The following NXPE2 variants were observed in gnomAD, a reference collection of about 807,000 sequenced individuals.
NXPE2 encodes neurexophilin and PC-esterase domain family member 2, also known as NXPE family member 2.
NXPE2 carries 34 observed loss-of-function variants against 34.4 expected under a neutral mutation model. The ratio of observed to expected loss-of-function variants is 0.99; its 90% CI spans 0.75 to 1.31. The LOEUF (loss-of-function observed/expected upper bound fraction) is 1.31. Ranked by LOEUF, NXPE2 falls within the 40% of genes most tolerant of loss-of-function variation. The pLI is 0.00. For synonymous variants in NXPE2, 235 were observed against 231.3 expected (o/e 1.02, Z -0.15); for missense variants, 649 against 672.5 (o/e 0.97, Z 0.39).
the NXPE2 span, among the ~76,000 whole-genome samples, chr11:114,593,106 A>T: frequency 6.6e-6 from 1 of 152,158 alleles, no homozygotes; most frequent in East Asian, 1.9e-4. Flanking sequence ...TGTTCAGGAC[A>T]CTGATGTAGC....
chr11:114,767,628 T>C, the NXPE2 span, among the ~76,000 whole-genome samples: 2 of 152,196 alleles, frequency 1.3e-5, no homozygotes, highest in Admixed American at 1.3e-4. Context: ...GTTTAGTGAA[T>C]GCCTGAATTA....
chr11:114,786,191 T>C, the NXPE2 span, among the ~76,000 whole-genome samples: 3 of 152,202 alleles, frequency 2.0e-5, no homozygotes, highest in Non-Finnish European at 4.4e-5. Flanking sequence ...GCGGTGCTGA[T>C]CCCCGCAGCA....
the NXPE2 span, among the ~76,000 whole-genome samples, chr11:114,734,698 G>C: frequency 1.3e-5 from 2 of 152,140 alleles, no homozygotes; most frequent in Non-Finnish European, 2.9e-5. Context: ...GAATTAGCAG[G>C]TTTGGTAATC....
intron 2 of NXPE2, among the ~76,000 whole-genome samples, chr11:114,687,578 G>T (rs1951071867): frequency 6.6e-6 from 1 of 151,948 alleles, no homozygotes; most frequent in African/African-American, 2.4e-5. Flanking sequence ...TTTTGCTTAG[G>T]ATTGCCTTGA....
At chr11:114,720,887 G>A in the NXPE2 span, among the ~76,000 whole-genome samples, 7 of 152,260 alleles carry the variant, frequency 4.6e-5, no homozygotes, top group Non-Finnish European at 8.8e-5. Context: ...AGGAGGATCT[G>A]ATAAAGAGCT....
At chr11:114,484,555 C>G in the NXPE2 span, among the ~76,000 whole-genome samples, 1 of 152,168 alleles carries the variant, frequency 6.6e-6, no homozygotes, top group South Asian at 2.1e-4. Flanking sequence ...CCAGACTTGA[C>G]TCTCTTGATT....
At chr11:114,787,520 C>T in the NXPE2 span, among the ~76,000 whole-genome samples, 1,473 of 152,220 alleles carry the variant, frequency 9.7e-3, 29 homozygotes, top group African/African-American at 0.033. Context: ...CCGTCTAAGA[C>T]GGATTTGAGC....
chr11:114,636,732 T>C, the NXPE2 span, among the ~76,000 whole-genome samples: 1 of 152,164 alleles, frequency 6.6e-6, no homozygotes, highest in African/African-American at 2.4e-5. Flanking sequence ...CCAGCAGTCA[T>C]TCAGGAGCAG....
At chr11:114,601,898 T>TATATATATTATATAATATATATTATATA in the NXPE2 span, among the ~76,000 whole-genome samples, 7 of 45,558 alleles carry the variant, frequency 1.5e-4, no homozygotes, top group Non-Finnish European at 2.6e-4. Flanking sequence ...ATATTATATT[T>TATATATATTATATAATATATATTATATA]ATATATATTA....
chr11:114,477,711 T>C, the NXPE2 span, among the ~76,000 whole-genome samples: 1 of 151,590 alleles, frequency 6.6e-6, no homozygotes, highest in East Asian at 1.9e-4. Context: ...AGACCAGGAG[T>C]AAATACTCTA....
intron 2 of NXPE2, among the ~76,000 whole-genome samples, chr11:114,685,729 C>T (rs1374397293): frequency 1.3e-5 from 2 of 152,004 alleles, no homozygotes; most frequent in Non-Finnish European, 2.9e-5. Flanking sequence ...TGATCTTGTC[C>T]CTGCTACTAC....
At chr11:114,512,531 G>A in the NXPE2 span, among the ~76,000 whole-genome samples, 5 of 152,244 alleles carry the variant, frequency 3.3e-5, no homozygotes, top group Non-Finnish European at 5.9e-5. Flanking sequence ...CGACAGTCGG[G>A]AGCCATCCAT....
chr11:114,529,962 G>A, the NXPE2 span: 9 of 512,868 alleles, frequency 1.8e-5, no homozygotes, highest in Admixed American at 3.7e-5. Context: ...ATAGAAGAAC[G>A]GTTATAGCAA....
chr11:114,554,110 C>T, the NXPE2 span: 1 of 985,436 alleles, frequency 1.0e-6, no homozygotes, highest in Non-Finnish European at 1.2e-6. Context: ...GTCTCCTCTC[C>T]TTATGCTTCT....
the NXPE2 span, among the ~76,000 whole-genome samples, chr11:114,793,468 T>C: frequency 6.6e-6 from 1 of 152,158 alleles, no homozygotes; most frequent in Non-Finnish European, 1.5e-5. Flanking sequence ...AGCTATTTAT[T>C]GTTTGGAACT....
the NXPE2 span, among the ~76,000 whole-genome samples, chr11:114,586,120 A>G: frequency 2.0e-5 from 3 of 152,198 alleles, no homozygotes; most frequent in South Asian, 4.1e-4. Context: ...TGTAAATCAG[A>G]CACTACCTCC....
chr11:114,723,917 C>T, the NXPE2 span, among the ~76,000 whole-genome samples: 1 of 152,132 alleles, frequency 6.6e-6, no homozygotes, highest in Non-Finnish European at 1.5e-5. Context: ...GTGCACAGAA[C>T]CGAACCCTCT....
chr11:114,570,039 A>C, the NXPE2 span, among the ~76,000 whole-genome samples: 1 of 152,160 alleles, frequency 6.6e-6, no homozygotes, highest in Non-Finnish European at 1.5e-5. Context: ...TCAAGATGTA[A>C]GAAATGTTGT....
chr11:114,754,256 CTG>C, the NXPE2 span, among the ~76,000 whole-genome samples: 1 of 152,118 alleles, frequency 6.6e-6, no homozygotes, highest in South Asian at 2.1e-4. Context: ...GACCCACACT[CTG>C]GGCATCCCTG....
Sources: gnomAD v4.1 joint callset for allele counts (sites outside exome capture counted in the v4.1 genomes callset) on GRCh38, gnomAD v4.1.1 for gene constraint, MANE v1.5 for transcripts, NCBI Gene and HGNC (gene_info 2026-07-23, HGNC 2026-07-21) for gene names.